CUBN: variants seen among roughly 807,000 people sequenced by gnomAD.
CUBN encodes cubilin, also known as 460 kDa receptor.
CUBN carries 282 observed loss-of-function variants against 405.3 expected under a neutral mutation model. The ratio of observed to expected loss-of-function variants is 0.70; its 90% confidence interval spans 0.63 to 0.77. CUBN has a LOEUF of 0.77. Ranked by LOEUF, CUBN falls within the 30% of genes least tolerant of loss-of-function variation. The pLI, the probability that CUBN is intolerant of heterozygous loss-of-function variation, is 0.00. For missense variants in CUBN, 4,514 were observed against 4,475.2 expected, an observed-to-expected ratio of 1.01 and a Z score of -0.25; for synonymous variants, 1,684 against 1,617.0, an observed-to-expected ratio of 1.04 and a Z score of -0.99.
chr10:16,970,579 A>AG (rs1164075920), intron 31 of CUBN, among the ~76,000 whole-genome samples: 1 of 151,500 alleles, frequency 6.6e-6, no homozygotes, highest in African/African-American at 2.4e-5. Flanking sequence ...TCCATCTCAA[A>AG]AAAAAAAAAA....
chr10:16,881,018 T>C (rs577529091), intron 56 of CUBN, among the ~76,000 whole-genome samples: 2 of 152,334 alleles, frequency 1.3e-5, no homozygotes, highest in African/African-American at 4.8e-5. Context: ...AGTTATAACC[T>C]CAGTATTTGT....
At chr10:17,055,221 T>C (rs1006444961) in intron 22 of CUBN, among the ~76,000 whole-genome samples, 1 of 152,066 alleles carries the variant, frequency 6.6e-6, no homozygotes, top group Non-Finnish European at 1.5e-5. Context: ...ATTCAACACC[T>C]ATCCAGGATA....
At chr10:16,954,827 A>G (rs1310419285) in intron 31 of CUBN, among the ~76,000 whole-genome samples, 2 of 151,844 alleles carry the variant, frequency 1.3e-5, no homozygotes, top group Non-Finnish European at 2.9e-5. Context: ...TTCCTTCCCA[A>G]CCCCAGTGTA....
intron 36 of CUBN, among the ~76,000 whole-genome samples, chr10:16,943,204 T>C (rs1160915206): frequency 1.3e-5 from 2 of 152,198 alleles, no homozygotes; most frequent in African/African-American, 4.8e-5. Context: ...GATACTAGCA[T>C]TGGTAGGTCT....
intron 41 of CUBN, 142 bp from the exon 42 acceptor site, chr10:16,925,916 T>C: frequency 2.6e-6 from 2 of 755,848 alleles, no homozygotes; most frequent in South Asian, 3.0e-5. Flanking sequence ...GAAATGATTA[T>C]CATAACAAGC....
rs1275894230 is a variant in CUBN at position 17,068,644 on chromosome 10, T to C, written c.2752A>G (p.Asn918Asp). 1 of 1,613,364 alleles carries C rather than the reference T, an allele frequency of 6.2e-7. No homozygotes were observed. The highest frequency in any genetic ancestry group is 1.7e-5 in the Admixed American group (1 of 59,990). ...VTFVKSSSTE[N>D]HGFMAKFSAE... ...CTGAACTTAGCCATGAAACCATGGT[T>C]TTCAGTAGAAGAACTTTTCACGAAT... Residue 918 changes from asparagine (N) to aspartate (D), a missense_variant, in exon 20 of 67, where the codon AAC (asparagine) becomes GAC (aspartate). By Grantham distance (23) the Asn-to-Asp change is conservative (BLOSUM62 1). Coordinates refer to ENST00000377833, the MANE Select transcript of CUBN (RefSeq NM_001081.4).
At position 16,840,386 on chromosome 10, in the gene CUBN, G is replaced by T. The variant is rs888688797; in HGVS notation, c.9976C>A (p.Gln3326Lys). Residue 3326 changes from glutamine (Q) to lysine (K), a missense_variant, in exon 62 of 67, where the codon CAG (glutamine) becomes AAG (lysine). Physicochemically the swap from Gln to Lys is moderately conservative, Grantham distance 53. Transcript: ENST00000377833. The part of the protein sequence containing the change: ...QQVKITVWAL[Q>K]LTSQDCTQNY... Reference sequence around the variant, plus strand: ...TGCGTGCAGTCTTGCGAGGTCAGCTGTAATGCCCACACAGTTATCTTGACC... The same window carrying T: ...TGCGTGCAGTCTTGCGAGGTCAGCTTTAATGCCCACACAGTTATCTTGACC... The T allele has an allele frequency of 6.2e-7, 1 of 1,614,184 alleles. No individual in the cohort carries two copies. The highest frequency in any genetic ancestry group is 1.3e-5 in the African/African-American group (1 of 75,036).
chr10:16,890,286 G>T (rs1840964337), intron 55 of CUBN, 85 bp downstream of exon 55: 3 of 1,324,438 alleles, frequency 2.3e-6, no homozygotes, highest in Non-Finnish European at 3.3e-6. Context: ...TCCTCCCCTA[G>T]ACCCCCAGGT....
rs1173214210 is a variant in CUBN, at chr10:16,823,969, T to C, written c.*1006A>G. 2 of 152,374 alleles carry C rather than the reference T, an allele frequency of 1.3e-5. No homozygotes were observed. The highest frequency in any genetic ancestry group is 2.4e-5 in the African/African-American group (1 of 41,588). The allele number at this position is 152,374 out of a possible 1,614,324, so 9.4% of individuals were successfully genotyped here. ...TCAAAAAATTAATGCAGCATAATTG[T>C]GTACAATTCAATAATGTTTATTATG... On this transcript the variant is annotated 3_prime_UTR_variant, in exon 67 of 67. Coordinates refer to ENST00000377833, the MANE Select transcript of CUBN (RefSeq NM_001081.4).
chr10:16,863,729 C>A (rs1472514040), intron 59 of CUBN, among the ~76,000 whole-genome samples: 1 of 152,068 alleles, frequency 6.6e-6, no homozygotes, highest in Non-Finnish European at 1.5e-5. Flanking sequence ...TTTGTTGTGA[C>A]CATGTTTTCC....
rs543616161 is a variant in CUBN at position 16,839,838 on chromosome 10, C to T, written c.10032+492G>A. On this transcript the variant is annotated intron_variant, in intron 62 of 66. Coordinates refer to ENST00000377833, the MANE Select transcript of CUBN (RefSeq NM_001081.4). ...TCCCAAATGTCCAACAATGATAGAC[C>T]GGATTAAGAAAATGTGGCACATACA... Among the ~76,000 whole-genome samples, 868 of 151,844 alleles carry T rather than the reference C, an allele frequency of 5.7e-3. 3 individuals are homozygous for T. Among genetic ancestry groups the T allele is most frequent in the South Asian group, 0.011 (53 of 4,808 alleles).
chr10:17,113,341 C>A (rs1836812476), intron 8 of CUBN, among the ~76,000 whole-genome samples: 1 of 152,066 alleles, frequency 6.6e-6, no homozygotes, highest in Non-Finnish European at 1.5e-5. Context: ...CTAAGAACAT[C>A]CCTGGAGCGC....
chr10:17,041,219 T>C lies in CUBN; in HGVS notation c.3831A>G (p.Thr1277=). ...GATTGACTATTACCACATTCTCACA[T>C]GCTGGAAAAAGAAATGACTGTTAAG... ...GRGFKAEYRQ[T]CENVVIVNQT... Residue 1277 remains threonine (T), a splice_region_variant and synonymous_variant, in exon 27 of 67, where the codon ACA becomes ACG. Coordinates refer to ENST00000377833, the MANE Select transcript of CUBN (RefSeq NM_001081.4). 6.2e-7 allele frequency: 1 copy of C among 1,612,780 alleles called. No homozygotes were observed. Among genetic ancestry groups the C allele is most frequent in the Admixed American group, 1.7e-5 (1 of 60,002 alleles).
intron 23 of CUBN, among the ~76,000 whole-genome samples, chr10:17,046,638 A>T (rs1835140318): frequency 1.3e-5 from 2 of 152,212 alleles, no homozygotes. Context: ...TTTATTCAAC[A>T]TCAAAGTCCA....
intron 14 of CUBN, 108 bp downstream of exon 14, chr10:17,099,897 A>G (rs1261831753): frequency 3.4e-6 from 2 of 582,218 alleles, no homozygotes. Flanking sequence ...AAAATATTAT[A>G]TATCTTCAGA....
At chr10:17,104,167 C>G (rs148710657) in intron 12 of CUBN, among the ~76,000 whole-genome samples, 2 of 152,170 alleles carry the variant, frequency 1.3e-5, no homozygotes, top group East Asian at 1.9e-4. Flanking sequence ...GTTTTATATT[C>G]AAAAAGGACA....
chr10:17,044,136 A>C (rs542102935), intron 25 of CUBN, among the ~76,000 whole-genome samples, 153 bp from the exon 26 acceptor site: 1 of 145,444 alleles, frequency 6.9e-6, no homozygotes, highest in African/African-American at 2.6e-5. Flanking sequence ...AAATATTATA[A>C]ATATTCATTA....
At chr10:17,074,944 ACT>A (rs1366189465) in intron 17 of CUBN, among the ~76,000 whole-genome samples, 1 of 152,032 alleles carries the variant, frequency 6.6e-6, no homozygotes, top group Non-Finnish European at 1.5e-5. Context: ...TTAACCAAAG[ACT>A]CTGAACTCAC....
chr10:16,845,140 C>A (rs1442412950), intron 60 of CUBN, among the ~76,000 whole-genome samples: 1 of 152,174 alleles, frequency 6.6e-6, no homozygotes, highest in Non-Finnish European at 1.5e-5. Context: ...ACATTTCACC[C>A]AGCTATTGAC....
Sources: allele counts gnomAD v4.1 joint callset (sites outside exome capture counted in the v4.1 genomes callset), GRCh38; gene constraint gnomAD v4.1.1; transcripts MANE v1.5; gene names NCBI Gene and HGNC (gene_info 2026-07-23, HGNC 2026-07-21).